KDM5C: variants seen among roughly 807,000 people sequenced by gnomAD.
KDM5C encodes lysine-specific demethylase 5C.
Under a neutral mutation model 110.6 loss-of-function variants are expected in KDM5C, and 16 were observed. The ratio of observed to expected loss-of-function variants is 0.14; its 90% CI spans 0.10 to 0.22. The LOEUF (loss-of-function observed/expected upper bound fraction) is 0.22. Ranked by LOEUF, KDM5C falls within the 10% of genes least tolerant of loss-of-function variation. The pLI, the probability that KDM5C is intolerant of heterozygous loss-of-function variation, is 1.00. For synonymous variants in KDM5C, 511 were observed against 520.4 expected, an observed-to-expected ratio of 0.98 and a Z score of 0.24; for missense variants, 681 against 1,300.9, an observed-to-expected ratio of 0.52 and a Z score of 7.33.
intron 1 of KDM5C, among the ~76,000 whole-genome samples, chrX:53,224,271 C>A (rs1319752063): frequency 1.8e-5 from 2 of 112,270 alleles, no homozygotes; most frequent in African/African-American, 6.5e-5. Flanking sequence ...CCCAAGGTCA[C>A]ACAGCTGCTC....
At chrX:53,209,946 A>G (rs1489284708) in intron 12 of KDM5C, among the ~76,000 whole-genome samples, 1 of 112,398 alleles carries the variant, frequency 8.9e-6, no homozygotes, top group Non-Finnish European at 1.9e-5. Context: ...GTACCTCGAT[A>G]TTCATTCTTG....
intron 8 of KDM5C, chrX:53,212,306 C>CT (rs1188707416): frequency 0.041 from 5,406 of 131,299 alleles, 140 homozygotes; most frequent in African/African-American, 0.096. Flanking sequence ...AAATGTGATT[C>CT]TTTTTTTTTT....
At position 53,194,179 on chromosome X, in the gene KDM5C, G is replaced by A; in HGVS notation, c.3998C>T (p.Ser1333Phe). Residue 1333 changes from serine (S) to phenylalanine (F), a missense_variant, in exon 23 of 26, where the codon TCT becomes TTT. Ser to Phe is a radical substitution (Grantham distance 155). Transcript: ENST00000375401. ...GCCACTGCCCTCTCTGAGGGGGTCA[G>A]AAGCAGGGGCTGCAGGGTAGTTAGG... is the stretch of plus-strand genomic sequence containing the variant. ...EPPNYPAAPA[S>F]DPLREGSGKD... 2.5e-6 allele frequency: 3 copies of A among 1,209,094 alleles called. No individual in the cohort carries two copies. Among genetic ancestry groups the A allele is most frequent in the Non-Finnish European group, 3.4e-6 (3 of 893,923 alleles).
At chrX:53,212,048 C>T (rs925530119) in intron 8 of KDM5C, 142 bp from the exon 9 acceptor site, 1 of 703,929 alleles carries the variant, frequency 1.4e-6, no homozygotes, top group Non-Finnish European at 2.2e-6. Flanking sequence ...CCTTACTTTA[C>T]AGCTGTACCT....
intron 20 of KDM5C, 74 bp downstream of exon 20, chrX:53,195,842 A>G (rs1934802126): frequency 1.8e-6 from 2 of 1,105,577 alleles, no homozygotes; most frequent in Non-Finnish European, 2.5e-6. Flanking sequence ...CCAGCAACCC[A>G]GCACATCCCA....
chrX:53,224,913 G>A lies in KDM5C; in HGVS notation c.-24C>T. 1.7e-6 allele frequency: 2 copies of A among 1,194,094 alleles called. No individual in the cohort carries two copies. Among genetic ancestry groups the A allele is most frequent in the East Asian group, 3.0e-5 (1 of 33,177 alleles). ...ATGGTGGGCCCGAGGTCTGGGCCAG[G>A]GATCGGGAGGCTTGGACCGCCCTTA... is the stretch of plus-strand genomic sequence containing the variant. On this transcript the variant is annotated 5_prime_UTR_variant, in exon 1 of 26. Coordinates refer to ENST00000375401, the MANE Select transcript of KDM5C (RefSeq NM_004187.5).
chrX:53,208,580 A>ACT (rs1276581375), intron 12 of KDM5C, among the ~76,000 whole-genome samples: 2 of 88,136 alleles, frequency 2.3e-5, no homozygotes, highest in African/African-American at 8.9e-5. Context: ...ATCTCGGCTC[A>ACT]CTGCAACCTC....
At position 53,220,902 on chromosome X, in the gene KDM5C, G is replaced by A; in HGVS notation, c.165C>T (p.Pro55=). Residue 55 remains proline, a synonymous_variant, in exon 2 of 26, where the codon CCC becomes CCT. Coordinates refer to ENST00000375401, the MANE Select transcript of KDM5C (RefSeq NM_004187.5). ...KIRPPADWQP[P]FAVEVDNFRF... is the part of the protein sequence containing the mutation. The stretch of plus-strand genomic sequence containing the variant: ...TGAAGTTGTCCACTTCCACAGCAAA[G>A]GGTGGCTGCCAGTCCTGAGAGGGTA... The A allele has an allele frequency of 4.1e-6, 5 of 1,209,667 alleles. No homozygotes were observed. Among genetic ancestry groups the A allele is most frequent in the Non-Finnish European group, 4.5e-6 (4 of 893,818 alleles).
intron 12 of KDM5C, among the ~76,000 whole-genome samples, chrX:53,207,944 G>A (rs1299269081): frequency 6.0e-5 from 6 of 99,834 alleles, no homozygotes; most frequent in Admixed American, 4.3e-4. Flanking sequence ...CCTCCAGCCT[G>A]GGTGACAGAG....
intron 25 of KDM5C, among the ~76,000 whole-genome samples, chrX:53,177,243 T>C (rs868964777): frequency 1.1e-3 from 118 of 111,426 alleles, no homozygotes; most frequent in African/African-American, 3.8e-3. Context: ...TAGCCAGGTG[T>C]GGTGGTGTAT....
chrX:53,225,068 A>G lies in KDM5C; in HGVS notation c.-179T>C. ...GTCGTGCTCTGAGAGTCTCAGGCTGACTCTACTGCTACCGCCTCTTCGTCC... is the reference window on the plus strand; with the variant it reads ...GTCGTGCTCTGAGAGTCTCAGGCTGGCTCTACTGCTACCGCCTCTTCGTCC... On this transcript the variant is annotated 5_prime_UTR_variant, in exon 1 of 26. Coordinates refer to ENST00000375401, the MANE Select transcript of KDM5C (RefSeq NM_004187.5). 2.1e-6 allele frequency: 1 copy of G among 478,690 alleles called. No individual in the cohort carries two copies. The highest frequency in any genetic ancestry group is 3.9e-5 in the East Asian group (1 of 25,343). 39.4% of individuals were successfully genotyped at this position (478,690 alleles called of 1,213,427 possible).
At chrX:53,223,525 T>C (rs1199442687) in intron 1 of KDM5C, among the ~76,000 whole-genome samples, 1 of 111,367 alleles carries the variant, frequency 9.0e-6, no homozygotes, top group African/African-American at 3.3e-5. Flanking sequence ...AGCTTCCTAT[T>C]CCATTTCAGC....
Position 53,192,508 on chromosome X carries a change from A to G in KDM5C, c.*459T>C, listed in dbSNP as rs1319087610. On this transcript the variant is annotated 3_prime_UTR_variant, in exon 26 of 26. Transcript: ENST00000375401. ...CCTCCTGGGTGGAACAGTCAGGGGA[A>G]GGGAGAGGGAGAAGGGGGTAGGAAG... The G allele has an allele frequency of 1.4e-5, 4 of 288,622 alleles. No homozygotes were observed. Among genetic ancestry groups the G allele is most frequent in the Non-Finnish European group, 2.5e-5 (4 of 161,779 alleles). The allele number at this position is 288,622 out of a possible 1,213,427, so 23.8% of individuals were successfully genotyped here.
intron 2 of KDM5C, among the ~76,000 whole-genome samples, 185 bp downstream of exon 2, chrX:53,220,654 G>A (rs1486504136): frequency 1.8e-5 from 2 of 112,248 alleles, no homozygotes; most frequent in African/African-American, 6.5e-5. Context: ...CCTGGCTCTT[G>A]GTTATATTTA....
At position 53,218,614 on chromosome X, in the gene KDM5C, C is replaced by T. The variant is rs148130674; in HGVS notation, c.229-216G>A. ...TTTTTTTGAGACGGTCTTGCTCTGT[C>T]GCCCAAGCTGGAATGGAGTGGTGCA... On this transcript the variant is annotated intron_variant, in intron 2 of 25. Coordinates refer to ENST00000375401, the MANE Select transcript of KDM5C (RefSeq NM_004187.5). The T allele has an allele frequency of 0.016, 7,876 of 478,700 alleles. 431 individuals are homozygous for T. The highest frequency in any genetic ancestry group is 0.16 in the African/African-American group (6,795 of 42,270). 39.5% of individuals were successfully genotyped at this position (478,700 alleles called of 1,213,427 possible). A position where few individuals can be genotyped will look rare whatever the true frequency, so the allele number is the denominator to read the frequency against.
intron 22 of KDM5C, 39 bp downstream of exon 22, chrX:53,194,891 TC>T: frequency 8.3e-7 from 1 of 1,207,998 alleles, no homozygotes; most frequent in Non-Finnish European, 1.1e-6. Context: ...CACTCTATCA[TC>T]ACCAAGCCCT....
chrX:53,215,201 G>A (rs1556851132), intron 7 of KDM5C: 1 of 381,798 alleles, frequency 2.6e-6, no homozygotes, highest in Non-Finnish European at 5.0e-6. Context: ...CACTGTGGGA[G>A]CCTAGAGAAG....
Position 53,218,003 on chromosome X carries a change from CGTGTATTTATAT to C in KDM5C, c.352-49_352-38del, listed in dbSNP as rs2073794954. On this transcript the variant is annotated intron_variant, in intron 3 of 25. Coordinates refer to ENST00000375401, the MANE Select transcript of KDM5C (RefSeq NM_004187.5). ...AGTAGGAAAAGACATGGATGTGCCA[CGTGTATTTATAT>C]GTGAGGGAGTAGGCCTGTAGAAAGG... 3.4e-6 allele frequency: 4 copies of C among 1,187,688 alleles called. No individual in the cohort carries two copies. In the African/African-American group the frequency reaches 7.1e-5, roughly 21 times the overall value.
rs782555202 is a variant in KDM5C at position 53,193,773 on chromosome X, C to T, written c.4117G>A (p.Asp1373Asn). The stretch of plus-strand genomic sequence containing the variant: ...CTACCCACACCACACCTAGACCTAC[C>T]TCTCTTACCTGAGCCCTCCTCCGGG... ...VAPEEGSGKR[D>N]LELLSSLLPQ... is the part of the protein sequence containing the mutation. The change falls in exon 24 of 26, where the codon GAT becomes AAT. Residue 1373 changes from aspartate to asparagine, a missense_variant and splice_region_variant. This residue lies in a region of KDM5C where 88 missense variants were observed against 85.6 expected (regional missense o/e 1.03). Coordinates refer to ENST00000375401, the MANE Select transcript of KDM5C (RefSeq NM_004187.5). 3 of 1,207,815 alleles carry T rather than the reference C, an allele frequency of 2.5e-6. No individual in the cohort carries two copies. The highest frequency in any genetic ancestry group is 1.8e-5 in the South Asian group (1 of 56,909).
Sources: gnomAD v4.1 joint callset for allele counts (sites outside exome capture counted in the v4.1 genomes callset) on GRCh38, gnomAD v4.1.1 for gene constraint, gnomAD v4.1.1 regional missense constraint, MANE v1.5 for transcripts, NCBI Gene and HGNC (gene_info 2026-07-23, HGNC 2026-07-21) for gene names.